The following SNX29 variants were observed in gnomAD, a reference collection of about 807,000 sequenced individuals.
SNX29 encodes sorting nexin 29, also known as sorting nexin-29.
SNX29 carries 78 observed loss-of-function variants against 102.1 expected under a neutral mutation model. The ratio of observed to expected loss-of-function variants is 0.76; its 90% confidence interval spans 0.64 to 0.92. The LOEUF is 0.92. Among genes scored for constraint, SNX29 ranks in the 40% least tolerant of loss-of-function variants. The pLI is 0.00. For missense variants in SNX29, 1,280 were observed against 1,061.7 expected, an observed-to-expected ratio of 1.21 and a Z score of -2.86; for synonymous variants, 580 against 414.5, an observed-to-expected ratio of 1.40 and a Z score of -4.85.
At chr16:12,451,687 T>TC (rs1379736007) in intron 18 of SNX29, among the ~76,000 whole-genome samples, 7 of 151,994 alleles carry the variant, frequency 4.6e-5, no homozygotes, top group Middle Eastern at 6.8e-3. Context: ...TGGGGTGAAA[T>TC]CCCCATCTCT....
intron 14 of SNX29, among the ~76,000 whole-genome samples, chr16:12,253,123 G>A (rs1410315399): frequency 1.3e-5 from 2 of 152,150 alleles, no homozygotes; most frequent in Non-Finnish European, 2.9e-5. Flanking sequence ...TAACCCTCCT[G>A]CCCCTCAGCA....
At chr16:12,564,478 T>C (rs1188594932) in intron 20 of SNX29, among the ~76,000 whole-genome samples, 1 of 152,240 alleles carries the variant, frequency 6.6e-6, no homozygotes, top group Non-Finnish European at 1.5e-5. Context: ...TGGATCTTTC[T>C]CCAAGGTCTA....
chr16:12,511,835 T>C (rs2089635191), intron 19 of SNX29, among the ~76,000 whole-genome samples: 1 of 152,072 alleles, frequency 6.6e-6, no homozygotes, highest in Non-Finnish European at 1.5e-5. Context: ...AACCTCGGGC[T>C]GTCCCACAGC....
At chr16:12,483,842 CTT>C (rs2151840700) in intron 19 of SNX29, among the ~76,000 whole-genome samples, 1 of 152,314 alleles carries the variant, frequency 6.6e-6, no homozygotes, top group East Asian at 1.9e-4. Flanking sequence ...CAGGTGGTGG[CTT>C]CTAAAGCTGC....
intron 19 of SNX29, among the ~76,000 whole-genome samples, chr16:12,495,221 G>A (rs1043435533): frequency 1.3e-5 from 2 of 152,012 alleles, no homozygotes; most frequent in Middle Eastern, 3.4e-3. Context: ...GCATGGTCTC[G>A]GCTCACTGCA....
chr16:12,452,272 T>G (rs2151719115), intron 18 of SNX29, among the ~76,000 whole-genome samples: 1 of 94,976 alleles, frequency 1.1e-5, no homozygotes, highest in South Asian at 3.9e-4. Flanking sequence ...GAAAGCATTT[T>G]TTATTGTCAC....
chr16:12,364,206 ATGTTAT>A (rs1567481850), intron 16 of SNX29, among the ~76,000 whole-genome samples: 187 of 149,984 alleles, frequency 1.2e-3, no homozygotes, highest in African/African-American at 4.2e-3. Flanking sequence ...ATGTTATGTT[ATGTTAT>A]GTTATTTTTG....
Position 12,573,675 on chromosome 16 carries a change from A to G in SNX29, c.*5046A>G, listed in dbSNP as rs889523005. 2 of 223,188 alleles carry G rather than the reference A, an allele frequency of 9.0e-6. No individual in the cohort carries two copies. The highest frequency in any genetic ancestry group is 4.5e-5 in the African/African-American group (2 of 44,738). The allele number at this position is 223,188 out of a possible 1,614,324, so 13.8% of individuals were successfully genotyped here. A position where few individuals can be genotyped will look rare whatever the true frequency, so the allele number is the denominator to read the frequency against. On this transcript the variant is annotated 3_prime_UTR_variant, in exon 21 of 21. Transcript: ENST00000566228. ...CATTCACTGTCAGTGTAGGTAAGACAGAGGATGCCCTTGCAAAAATTGGGA... is the reference window on the plus strand; with the variant it reads ...CATTCACTGTCAGTGTAGGTAAGACGGAGGATGCCCTTGCAAAAATTGGGA...
rs117848145 is a variant in SNX29 at position 12,382,075 on chromosome 16, C to G, written c.1900-16371C>G. On this transcript the variant is annotated intron_variant, in intron 16 of 20. Transcript: ENST00000566228. ...AACCCAGCCATCTGAAATGACCACC[C>G]CTGCCAATGAATAACACCCGGGTTC... Among the ~76,000 whole-genome samples the G allele has an allele frequency of 2.6e-4, 40 of 152,150 alleles. No homozygotes were observed. The East Asian group carries it at 7.4e-3, about 28-fold the overall frequency.
rs550335498 is a variant in SNX29, at chr16:12,282,835, T to A, written c.1782+4799T>A. On this transcript the variant is annotated intron_variant, in intron 15 of 20. Transcript: ENST00000566228. ...AATGCCTGGCTAATTTTTTGTATTTTTAGTAGAGACAGGGTTTCATCGTGT... is the reference window on the plus strand; with the variant it reads ...AATGCCTGGCTAATTTTTTGTATTTATAGTAGAGACAGGGTTTCATCGTGT... 3.4e-3 allele frequency among the ~76,000 whole-genome samples: 512 copies of A among 152,268 alleles called. 3 individuals carry two copies. Among genetic ancestry groups the A allele is most frequent in the Non-Finnish European group, 5.5e-3 (372 of 68,008 alleles).
intron 19 of SNX29, among the ~76,000 whole-genome samples, chr16:12,523,687 G>A (rs973982199): frequency 6.6e-6 from 1 of 152,126 alleles, no homozygotes; most frequent in Non-Finnish European, 1.5e-5. Flanking sequence ...AGCTGGCCCT[G>A]CCCACAAACA....
intron 18 of SNX29, among the ~76,000 whole-genome samples, chr16:12,461,171 G>C (rs1240713164): frequency 6.6e-6 from 1 of 152,172 alleles, no homozygotes; most frequent in Non-Finnish European, 1.5e-5. Flanking sequence ...TTCTATCTCA[G>C]GCAGCCTTAG....
chr16:12,453,963 T>C lies in SNX29; in HGVS notation c.2038-23756T>C, dbSNP rs572446321. 4.6e-5 allele frequency among the ~76,000 whole-genome samples: 7 copies of C among 152,258 alleles called. No homozygotes were observed. In the South Asian group the frequency reaches 1.5e-3, roughly 32 times the overall value. ...AATAGCCATGGGTTTTTTTTGTTGT[T>C]GTTTTTTTCCTTATCTCTTAGTAAC... On this transcript the variant is annotated intron_variant, in intron 18 of 20. Transcript: ENST00000566228.
intron 15 of SNX29, among the ~76,000 whole-genome samples, chr16:12,293,371 C>T (rs2079865762): frequency 6.6e-6 from 1 of 152,350 alleles, no homozygotes; most frequent in South Asian, 2.1e-4. Context: ...GAGCTGACGT[C>T]TGGACCCAGT....
chr16:12,560,235 G>C (rs2078646089), intron 20 of SNX29, among the ~76,000 whole-genome samples: 1 of 149,522 alleles, frequency 6.7e-6, no homozygotes, highest in Non-Finnish European at 1.5e-5. Context: ...GCTTGCAGAA[G>C]AAAAGCCTGA....
chr16:12,573,245 A>G lies in SNX29; in HGVS notation c.*4616A>G, dbSNP rs2079224898. On this transcript the variant is annotated 3_prime_UTR_variant, in exon 21 of 21. Transcript: ENST00000566228. ...GTTCATCCCATGGTTGTTGAAATGT[A>G]CCTCGATCAGTCATCTCTGGTATTC... 3 of 227,026 alleles carry G rather than the reference A, an allele frequency of 1.3e-5. No individual in the cohort carries two copies. The highest frequency in any genetic ancestry group is 1.8e-5 in the Non-Finnish European group (2 of 114,246). The allele number at this position is 227,026 out of a possible 1,614,324, so 14.1% of individuals were successfully genotyped here.
At chr16:12,071,111 C>T (rs1190622344) in intron 10 of SNX29, among the ~76,000 whole-genome samples, 9 of 151,364 alleles carry the variant, frequency 5.9e-5, no homozygotes, top group South Asian at 2.1e-4. Context: ...TTCTCCCATT[C>T]TGTAGGTTGC....
At chr16:12,553,930 C>G (rs1012058967) in intron 20 of SNX29, among the ~76,000 whole-genome samples, 1 of 152,094 alleles carries the variant, frequency 6.6e-6, no homozygotes, top group Non-Finnish European at 1.5e-5. Flanking sequence ...TGGGTTCAAG[C>G]AATTCTCCTG....
intron 20 of SNX29, among the ~76,000 whole-genome samples, chr16:12,540,119 C>T (rs534308187): frequency 2.0e-5 from 3 of 152,262 alleles, no homozygotes; most frequent in Non-Finnish European, 2.9e-5. Context: ...AAGATTTTCT[C>T]CTAGGTTTTC....
Sources: gnomAD v4.1 joint callset for allele counts (sites outside exome capture counted in the v4.1 genomes callset) on GRCh38, gnomAD v4.1.1 for gene constraint, MANE v1.5 for transcripts, NCBI Gene and HGNC (gene_info 2026-07-23, HGNC 2026-07-21) for gene names.